MYH15: variants seen among roughly 807,000 people sequenced by gnomAD.
The protein encoded by MYH15 is myosin-15.
MYH15 carries 227 observed loss-of-function variants against 240.5 expected under a neutral mutation model. The ratio of observed to expected loss-of-function variants is 0.94; its 90% CI spans 0.85 to 1.05. The LOEUF (loss-of-function observed/expected upper bound fraction) is 1.05. Among genes scored for constraint, MYH15 ranks in the 50% least tolerant of loss-of-function variants. MYH15 has a pLI of 0.00. For missense variants in MYH15, 2,217 were observed against 2,247.5 expected (o/e 0.99, Z 0.27); for synonymous variants, 785 against 796.7 (o/e 0.99, Z 0.25).
At position 108,419,124 on chromosome 3, in the gene MYH15, A is replaced by T. The variant is rs577619711; in HGVS notation, c.3829+1964T>A. ...GCTGGTTGAGACTAATACATCACGT[A>T]TATATCACATTTACTATTGGTTTCC... On this transcript the variant is annotated intron_variant, in intron 28 of 40. Coordinates refer to ENST00000693548, the MANE Select transcript of MYH15 (RefSeq NM_014981.3). Among the ~76,000 whole-genome samples, 9 of 152,360 alleles carry T rather than the reference A, an allele frequency of 5.9e-5. No individual in the cohort carries two copies. In the South Asian group the frequency reaches 1.9e-3, roughly 32 times the overall value.
rs563565737 is a variant in MYH15 at position 108,392,062 on chromosome 3, T to G, written c.5260-132A>C. On this transcript the variant is annotated intron_variant, in intron 36 of 40. Coordinates refer to ENST00000693548, the MANE Select transcript of MYH15 (RefSeq NM_014981.3). ...CTATGTATGTGATCTCTTCCCATTA[T>G]AATCTCCCTAACCACTACCACCCTC... 163 of 970,790 alleles carry G rather than the reference T, an allele frequency of 1.7e-4. No homozygotes were observed. In the South Asian group the frequency reaches 2.4e-3, roughly 15 times the overall value. 60.1% of individuals were successfully genotyped at this position (970,790 alleles called of 1,614,324 possible). A position where few individuals can be genotyped will look rare whatever the true frequency, so the allele number is the denominator to read the frequency against.
In MYH15 at chr3:108,454,036, C is replaced by T. The variant is rs765296436; in HGVS notation, c.2369G>A (p.Arg790Gln). 9.9e-6 allele frequency: 16 copies of T among 1,611,546 alleles called. No homozygotes were observed. Among genetic ancestry groups the T allele is most frequent in the African/African-American group, 5.3e-5 (4 of 74,842 alleles). The change falls in exon 21 of 41, where the codon CGA becomes CAA. Residue 790 changes from arginine to glutamine, a missense_variant. By Grantham distance (43) the Arg-to-Gln change is conservative (BLOSUM62 1). Coordinates refer to ENST00000693548, the MANE Select transcript of MYH15 (RefSeq NM_014981.3). ...TTCCAGAATCTTCTGGAATTTGATTCGCATCAGTTTGCCCTGTGCTCTGGC... is the reference window on the plus strand; with the variant it reads ...TTCCAGAATCTTCTGGAATTTGATTTGCATCAGTTTGCCCTGTGCTCTGGC... ...FQARAQGKLM[R>Q]IKFQKILEER...
rs1280163980 is a variant in MYH15 at position 108,428,818 on chromosome 3, T to C, written c.3376A>G (p.Arg1126Gly). 1.9e-6 allele frequency: 3 copies of C among 1,613,982 alleles called. No individual in the cohort carries two copies. Residue 1126 changes from arginine (R) to glycine (G), a missense_variant, in exon 27 of 41, where the codon AGG becomes GGG. Arg to Gly is a moderately radical substitution (Grantham distance 125). Transcript: ENST00000693548. ...AERTTRAKME[R>G]ERADLTQDLA... The stretch of plus-strand genomic sequence containing the variant: ...TCTTGGGTGAGGTCAGCTCTCTCCC[T>C]TTCCATCTTGGCTCGAGTGGTCCTT...
chr3:108,413,852 G>A (rs749325763), intron 30 of MYH15, among the ~76,000 whole-genome samples: 2 of 152,106 alleles, frequency 1.3e-5, no homozygotes, highest in Non-Finnish European at 2.9e-5. Context: ...CTTTGATGGA[G>A]ACACGTACAC....
chr3:108,529,426 T>C, upstream of MYH15: 1 of 591,406 alleles, frequency 1.7e-6, no homozygotes, highest in East Asian at 3.1e-5. Context: ...ACAAGATATA[T>C]TTAGTCATTG....
At chr3:108,432,868 G>A (rs1320624725) in intron 25 of MYH15, among the ~76,000 whole-genome samples, 2 of 152,160 alleles carry the variant, frequency 1.3e-5, no homozygotes, top group Non-Finnish European at 2.9e-5. Context: ...GTTTGCTGCA[G>A]GAGCGGGGCC....
chr3:108,532,886 A>G (rs1160473558), upstream of MYH15, among the ~76,000 whole-genome samples: 1 of 152,250 alleles, frequency 6.6e-6, no homozygotes, highest in East Asian at 1.9e-4. Flanking sequence ...TGCCAAACCA[A>G]TGTATTGGCT....
the MYH15 span, among the ~76,000 whole-genome samples, chr3:108,542,385 C>T: frequency 3.5e-4 from 53 of 152,194 alleles, no homozygotes; most frequent in African/African-American, 1.3e-3. Context: ...TAAAATGCTC[C>T]ATTTATTTTT....
At chr3:108,550,262 C>A in the MYH15 span, 1 of 151,088 alleles carries the variant, frequency 6.6e-6, no homozygotes, top group African/African-American at 2.4e-5. Context: ...ATTAAATGAA[C>A]CAATTAAAAA....
intron 23 of MYH15, 114 bp downstream of exon 23, chr3:108,440,904 G>C: frequency 7.9e-7 from 1 of 1,268,340 alleles, no homozygotes; most frequent in Non-Finnish European, 1.1e-6. Context: ...ATGCTGTAAA[G>C]TTGCAGGCCA....
intron 33 of MYH15, among the ~76,000 whole-genome samples, chr3:108,403,026 T>C (rs1448601358): frequency 2.6e-5 from 4 of 152,182 alleles, no homozygotes; most frequent in Non-Finnish European, 5.9e-5. Context: ...TAGAAATAAA[T>C]GGAATACCCT....
chr3:108,386,874 C>T (rs572690784), intron 38 of MYH15, among the ~76,000 whole-genome samples: 1 of 151,966 alleles, frequency 6.6e-6, no homozygotes, highest in East Asian at 1.9e-4. Context: ...ATGTAGGAGG[C>T]AGTTGATGGT....
intron 31 of MYH15, among the ~76,000 whole-genome samples, chr3:108,409,486 TTTAA>T (rs1417735843): frequency 2.6e-5 from 4 of 152,370 alleles, no homozygotes; most frequent in African/African-American, 9.6e-5. Flanking sequence ...CCATCTGTGC[TTTAA>T]CAAGCCCTCC....
chr3:108,434,596 AG>A (rs2082815545), intron 25 of MYH15, among the ~76,000 whole-genome samples: 1 of 152,080 alleles, frequency 6.6e-6, no homozygotes, highest in African/African-American at 2.4e-5. Context: ...AAGCCTACAC[AG>A]AGTACTCCAT....
chr3:108,421,801 G>C (rs2082686525), intron 27 of MYH15, among the ~76,000 whole-genome samples: 1 of 152,198 alleles, frequency 6.6e-6, no homozygotes, highest in African/African-American at 2.4e-5. Context: ...AATGTGAGCT[G>C]CCAAAGCAAC....
intron 36 of MYH15, among the ~76,000 whole-genome samples, chr3:108,393,673 C>T (rs75064307): frequency 0.13 from 19,166 of 152,108 alleles, 1,606 homozygotes; most frequent in Non-Finnish European, 0.19. Context: ...TGTTATAGAC[C>T]CTAGGAAAAA....
At position 108,414,385 on chromosome 3, in the gene MYH15, T is replaced by G. The variant is rs1178893274; in HGVS notation, c.3992A>C (p.Asp1331Ala). 1 of 1,614,054 alleles carries G rather than the reference T, an allele frequency of 6.2e-7. No homozygotes were observed. The highest frequency in any genetic ancestry group is 8.5e-7 in the Non-Finnish European group (1 of 1,180,042). Residue 1331 changes from aspartate to alanine, a missense_variant, in exon 30 of 41, where the codon GAC becomes GCC. Transcript: ENST00000693548. ...ATACTGCTCTCGTAGAAGGTCACAG[T>G]CACGCTGAGCCTTCTGCAGGGCATG... ...LAHALQKAQR[D>A]CDLLREQYEE...
At chr3:108,515,289 G>A (rs2083552557), upstream of MYH15, among the ~76,000 whole-genome samples, 1 of 152,196 alleles carries the variant, frequency 6.6e-6, no homozygotes, top group Non-Finnish European at 1.5e-5. Flanking sequence ...GTTGAGGTTG[G>A]CATTGTGGTG....
chr3:108,507,783 T>C (rs944142156), intron 1 of MYH15, among the ~76,000 whole-genome samples: 13 of 152,228 alleles, frequency 8.5e-5, no homozygotes, highest in African/African-American at 2.9e-4. Flanking sequence ...TTTTAAATAC[T>C]GGCTTTGCAT....
Sources: allele counts gnomAD v4.1 joint callset (sites outside exome capture counted in the v4.1 genomes callset), GRCh38; gene constraint gnomAD v4.1.1; transcripts MANE v1.5; gene names NCBI Gene and HGNC (gene_info 2026-07-23, HGNC 2026-07-21).